The following YPEL2 variants were observed in gnomAD, a reference collection of about 807,000 sequenced individuals.
YPEL2 encodes the protein yippee like 2, also known as protein yippee-like 2.
A neutral mutation model predicts 19.1 loss-of-function variants in YPEL2; 2 were observed. That is an observed-to-expected ratio of 0.10 (90% CI 0.04 to 0.33). The LOEUF (loss-of-function observed/expected upper bound fraction) is 0.33, where lower values mean the gene tolerates loss of function less well. YPEL2 is among the 10% of genes least tolerant of loss of function. The pLI, the probability that YPEL2 is intolerant of heterozygous loss-of-function variation, is 1.00. For synonymous variants in YPEL2, 52 were observed against 50.0 expected, an observed-to-expected ratio of 1.04 and a Z score of -0.17; for missense variants, 66 against 140.7, an observed-to-expected ratio of 0.47 and a Z score of 2.68.
intron 4 of YPEL2, among the ~76,000 whole-genome samples, chr17:59,392,370 A>T (rs1164675376): frequency 6.6e-6 from 1 of 152,188 alleles, no homozygotes; most frequent in African/African-American, 2.4e-5. Flanking sequence ...GACAGTCATG[A>T]TGCCAGCTGA....
chr17:59,351,670 T>C (rs2047788164), intron 1 of YPEL2, among the ~76,000 whole-genome samples: 1 of 152,208 alleles, frequency 6.6e-6, no homozygotes, highest in African/African-American at 2.4e-5. Context: ...GTTGCTATAA[T>C]GTTCACTGTA....
intron 4 of YPEL2, among the ~76,000 whole-genome samples, chr17:59,395,520 T>G (rs2048034400): frequency 6.6e-6 from 1 of 152,172 alleles, no homozygotes; most frequent in African/African-American, 2.4e-5. Context: ...GAGCCCTGTT[T>G]ATTCGCTGGG....
intron 2 of YPEL2, among the ~76,000 whole-genome samples, chr17:59,369,182 A>T (rs867908888): frequency 7.9e-5 from 12 of 152,344 alleles, no homozygotes; most frequent in Admixed American, 5.2e-4. Flanking sequence ...CTCTAAATTT[A>T]AAGAGAGAAT....
chr17:59,366,461 T>G (rs555844596), intron 2 of YPEL2, among the ~76,000 whole-genome samples: 29 of 152,318 alleles, frequency 1.9e-4, no homozygotes, highest in Non-Finnish European at 2.6e-4. Context: ...TCAGTTTGCC[T>G]AATTTTCATG....
chr17:59,389,545 A>T, intron 4 of YPEL2, 77 bp downstream of exon 4: 1 of 1,155,374 alleles, frequency 8.7e-7, no homozygotes, highest in East Asian at 2.5e-5. Context: ...ACTTTCTTCT[A>T]CTCGCTTTCC....
intron 2 of YPEL2, among the ~76,000 whole-genome samples, chr17:59,382,368 G>A (rs961538967): frequency 4.3e-5 from 5 of 115,118 alleles, no homozygotes; most frequent in African/African-American, 1.7e-4. Flanking sequence ...GCTCTGCCAC[G>A]TGCCATCCTC....
chr17:59,387,261 A>C (rs1470188349), intron 2 of YPEL2, among the ~76,000 whole-genome samples: 22 of 150,714 alleles, frequency 1.5e-4, no homozygotes, highest in South Asian at 4.2e-4. Flanking sequence ...TCCATCTAAA[A>C]AAAAAAAAAA....
intron 2 of YPEL2, among the ~76,000 whole-genome samples, chr17:59,378,887 G>GC (rs2047935309): frequency 6.6e-6 from 1 of 152,142 alleles, no homozygotes; most frequent in South Asian, 2.1e-4. Context: ...CCATCCTTCT[G>GC]CCCCTCGGCT....
intron 1 of YPEL2, among the ~76,000 whole-genome samples, chr17:59,344,816 A>G (rs1298662681): frequency 3.9e-5 from 6 of 152,216 alleles, no homozygotes; most frequent in Admixed American, 2.6e-4. Flanking sequence ...TATTTTTGTT[A>G]CCGAAAATCC....
chr17:59,339,951 AC>A (rs1439199292), intron 1 of YPEL2, among the ~76,000 whole-genome samples: 1 of 151,964 alleles, frequency 6.6e-6, no homozygotes, highest in Non-Finnish European at 1.5e-5. Flanking sequence ...CCTTCCTCCA[AC>A]CAAGGCTTAC....
intron 1 of YPEL2, among the ~76,000 whole-genome samples, chr17:59,333,564 A>G (rs2047682855): frequency 6.6e-6 from 1 of 152,218 alleles, no homozygotes; most frequent in African/African-American, 2.4e-5. Context: ...TAAGTTTCAG[A>G]GAACAATAAT....
intron 1 of YPEL2, among the ~76,000 whole-genome samples, chr17:59,334,607 C>G (rs934488885): frequency 6.7e-6 from 1 of 149,608 alleles, no homozygotes; most frequent in Non-Finnish European, 1.5e-5. Context: ...CACACACACA[C>G]GCCTGATGCA....
intron 2 of YPEL2, among the ~76,000 whole-genome samples, chr17:59,378,894 G>A (rs867974733): frequency 3.9e-5 from 6 of 152,210 alleles, no homozygotes; most frequent in Middle Eastern, 3.4e-3. Flanking sequence ...TCTGCCCCTC[G>A]GCTTTTTACC....
intron 2 of YPEL2, chr17:59,355,297 C>T (rs2047807249): frequency 6.6e-6 from 1 of 152,148 alleles, no homozygotes; most frequent in Admixed American, 6.5e-5. Context: ...AGTGGGTGTT[C>T]AGGAGGGATT....
intron 2 of YPEL2, among the ~76,000 whole-genome samples, chr17:59,364,552 G>A (rs1453017714): frequency 2.6e-5 from 4 of 151,528 alleles, no homozygotes; most frequent in Non-Finnish European, 5.9e-5. Flanking sequence ...GTATAACTCC[G>A]AGCCCAACCA....
intron 2 of YPEL2, among the ~76,000 whole-genome samples, chr17:59,380,277 T>C (rs71372888): frequency 0.073 from 10,380 of 141,964 alleles, 404 homozygotes; most frequent in South Asian, 0.15. Flanking sequence ...AACTTCTTTT[T>C]TTTTTTTTTT....
chr17:59,334,987 T>C (rs1214024644), intron 1 of YPEL2, among the ~76,000 whole-genome samples: 1 of 152,172 alleles, frequency 6.6e-6, no homozygotes, highest in Non-Finnish European at 1.5e-5. Context: ...CATTGTAAAT[T>C]ACCTTGGCAT....
At chr17:59,347,745 T>G (rs1402309686) in intron 1 of YPEL2, among the ~76,000 whole-genome samples, 1 of 152,186 alleles carries the variant, frequency 6.6e-6, no homozygotes, top group Non-Finnish European at 1.5e-5. Flanking sequence ...GTCCCAGTGG[T>G]ATCATCTCAA....
intron 2 of YPEL2, among the ~76,000 whole-genome samples, chr17:59,382,514 A>G (rs1322340554): frequency 6.6e-6 from 1 of 152,252 alleles, no homozygotes; most frequent in African/African-American, 2.4e-5. Context: ...TATCAGTAAA[A>G]TGTTTGAGCA....
Sources: gnomAD v4.1 joint callset for allele counts (sites outside exome capture counted in the v4.1 genomes callset) on GRCh38, gnomAD v4.1.1 for gene constraint, MANE v1.5 for transcripts, NCBI Gene and HGNC (gene_info 2026-07-23, HGNC 2026-07-21) for gene names.